Variants in BFSP1 observed in about 807,000 individuals in gnomAD.
The protein encoded by BFSP1 is filensin.
Under a neutral mutation model 43.9 loss-of-function variants are expected in BFSP1, and 38 were observed. The observed-to-expected ratio is 0.87, with a 90% CI of 0.67 to 1.14. The LOEUF is 1.14. BFSP1 is among the 50% of genes most tolerant of loss of function. BFSP1 has a pLI of 0.00. For synonymous variants in BFSP1, 352 were observed against 354.8 expected (o/e 0.99, Z 0.09); for missense variants, 850 against 875.1 (o/e 0.97, Z 0.36).
At chr20:17,499,877 C>T (rs375920731) in intron 5 of BFSP1, among the ~76,000 whole-genome samples, 1 of 152,124 alleles carries the variant, frequency 6.6e-6, no homozygotes, top group Non-Finnish European at 1.5e-5. Context: ...GCCAAGACCA[C>T]ACCATTGCAC....
chr20:17,515,776 C>A (rs1191915715), intron 2 of BFSP1, among the ~76,000 whole-genome samples: 1 of 152,248 alleles, frequency 6.6e-6, no homozygotes, highest in African/African-American at 2.4e-5. Flanking sequence ...CACCTGCCAA[C>A]ACCTGAGGCC....
intron 1 of BFSP1, among the ~76,000 whole-genome samples, chr20:17,547,455 T>C (rs116556890): frequency 1.3e-5 from 2 of 152,294 alleles, no homozygotes; most frequent in South Asian, 2.1e-4. Flanking sequence ...ATTGGAATAT[T>C]TGGGCCATTA....
At chr20:17,534,613 TTAA>T (rs2123546474), upstream of BFSP1, among the ~76,000 whole-genome samples, 1 of 152,256 alleles carries the variant, frequency 6.6e-6, no homozygotes, top group South Asian at 2.1e-4. Context: ...GAACATCCTA[TTAA>T]TAAAAACAGA....
rs140710777 is a variant in BFSP1, at chr20:17,525,936, T to C, written c.378-1028A>G. 3.1e-3 allele frequency among the ~76,000 whole-genome samples: 477 copies of C among 152,156 alleles called. 10 individuals are homozygous for C. The highest frequency in any genetic ancestry group is 0.023 in the Admixed American group (354 of 15,288). On this transcript the variant is annotated intron_variant, in intron 1 of 7. Coordinates refer to ENST00000377873, the MANE Select transcript of BFSP1 (RefSeq NM_001195.5). This position sits in a 1 kb window ranked among gnomAD's most constrained non-coding sequence, Gnocchi z 4.2. ...ATGGTGTATGTGTGCCCTTTGCTTC[T>C]CATTTTCCATCCCTCCCTCCATCCT...
At chr20:17,549,625 C>T (rs980529147) in intron 1 of BFSP1, among the ~76,000 whole-genome samples, 17 of 152,100 alleles carry the variant, frequency 1.1e-4, no homozygotes, top group African/African-American at 3.6e-4. Flanking sequence ...CACTTGAGGT[C>T]GGGAGTTCGA....
chr20:17,532,880 T>A (rs1048956547), upstream of BFSP1, among the ~76,000 whole-genome samples: 2 of 152,184 alleles, frequency 1.3e-5, no homozygotes, highest in African/African-American at 4.8e-5. Context: ...GTGATTATAC[T>A]ACAAATTAAA....
rs747226238 is a variant in BFSP1, at chr20:17,512,051, C to T, written c.552G>A (p.Gln184=). The T allele has an allele frequency of 6.2e-7, 1 of 1,609,040 alleles. No homozygotes were observed. The highest frequency in any genetic ancestry group is 1.1e-5 in the South Asian group (1 of 90,958). The change falls in exon 4 of 8, where the codon CAG becomes CAA. Residue 184 remains glutamine (Q), a synonymous_variant. Coordinates refer to ENST00000377873, the MANE Select transcript of BFSP1 (RefSeq NM_001195.5). Reference sequence around the variant, plus strand: ...TCTGCTGCAGGATGCTGATATAGGTCTGAACTTCCAGAAGATTCTGTTGGG... The same window carrying T: ...TCTGCTGCAGGATGCTGATATAGGTTTGAACTTCCAGAAGATTCTGTTGGG... ...DRHKKNLLEV[Q]TYISILQQII...
At position 17,498,998 on chromosome 20, in the gene BFSP1, AAC is replaced by A. The variant is rs2033726928; in HGVS notation, c.776_777del (p.Cys259LeufsTer2). 6.2e-7 allele frequency: 1 copy of A among 1,614,042 alleles called. No homozygotes were observed. The highest frequency in any genetic ancestry group is 1.7e-5 in the Admixed American group (1 of 60,000). Reference protein sequence around the residue: ...LEQAIKSAHECYDDEIQLYNE... With the variant: ...LEQAIKSAHEXYDDEIQLYNE... ...TTATAAAGCTGAATCTCATCGTCAT[AAC>A]ACTCATGGGCACTTTTAATAGCTTG... is the stretch of plus-strand genomic sequence containing the variant. On this transcript the variant is annotated frameshift_variant, in exon 6 of 8. Transcript: ENST00000377873. LOFTEE classifies it high-confidence loss of function.
chr20:17,512,408 A>C (rs1165100473), intron 3 of BFSP1, among the ~76,000 whole-genome samples: 3 of 151,542 alleles, frequency 2.0e-5, no homozygotes, highest in African/African-American at 4.8e-5. Context: ...GGAGGCACAA[A>C]AAAAAAAAGA....
chr20:17,552,974 T>C (rs934604695), intron 1 of BFSP1, among the ~76,000 whole-genome samples: 1 of 152,036 alleles, frequency 6.6e-6, no homozygotes, highest in Non-Finnish European at 1.5e-5. Context: ...ATATTTAAAG[T>C]CATGAAACTG....
At chr20:17,515,252 G>A (rs1333411491) in intron 2 of BFSP1, among the ~76,000 whole-genome samples, 1 of 152,206 alleles carries the variant, frequency 6.6e-6, no homozygotes, top group East Asian at 1.9e-4. Flanking sequence ...GATCTAGAAA[G>A]ATCGGAGCGC....
At chr20:17,513,188 G>A (rs572615002) in intron 3 of BFSP1, among the ~76,000 whole-genome samples, 73 of 152,298 alleles carry the variant, frequency 4.8e-4, no homozygotes, top group African/African-American at 1.7e-3. Context: ...CTGGACTCCG[G>A]CTGAGGACAA....
At chr20:17,497,584 A>ATATATATACG (rs2033679383) in intron 6 of BFSP1, among the ~76,000 whole-genome samples, 3 of 15,626 alleles carry the variant, frequency 1.9e-4, no homozygotes, top group Non-Finnish European at 3.8e-4. Context: ...ATATATACGT[A>ATATATATACG]TATATATACG....
rs764770814 is a variant in BFSP1, at chr20:17,494,869, C to A, written c.1203G>T (p.Gln401His). 1 of 1,614,236 alleles carries A rather than the reference C, an allele frequency of 6.2e-7. No homozygotes were observed. Among genetic ancestry groups the A allele is most frequent in the South Asian group, 1.1e-5 (1 of 91,084 alleles). Reference sequence around the variant, plus strand: ...ATTCACTTTCCTCTTTAAGTACCACCTGTACCAGCTTTGTGTCTTCCAAAC... The same window carrying A: ...ATTCACTTTCCTCTTTAAGTACCACATGTACCAGCTTTGTGTCTTCCAAAC... ...LKGLEDTKLV[Q>H]VVLKEESESK... Residue 401 changes from glutamine (Q) to histidine (H), a missense_variant, in exon 8 of 8, where the codon CAG (glutamine) becomes CAT (histidine). Coordinates refer to ENST00000377873, the MANE Select transcript of BFSP1 (RefSeq NM_001195.5).
intron 1 of BFSP1, among the ~76,000 whole-genome samples, chr20:17,567,948 G>A (rs1223303716): frequency 6.6e-6 from 1 of 151,248 alleles, no homozygotes; most frequent in Non-Finnish European, 1.5e-5. Flanking sequence ...AGGGGTACGG[G>A]GCACGAAAAA....
intron 3 of BFSP1, among the ~76,000 whole-genome samples, chr20:17,513,430 G>A (rs937835708): frequency 3.3e-5 from 5 of 152,152 alleles, no homozygotes; most frequent in African/African-American, 1.2e-4. Context: ...TAAATGGCCT[G>A]GAAGAATTAT....
chr20:17,514,031 T>C (rs956361120), intron 3 of BFSP1, among the ~76,000 whole-genome samples: 1 of 152,174 alleles, frequency 6.6e-6, no homozygotes, highest in African/African-American at 2.4e-5. Context: ...CTCCAGCTGC[T>C]TGGAGAAAGT....
intron 2 of BFSP1, among the ~76,000 whole-genome samples, chr20:17,520,210 G>GC (rs138070825): frequency 0.12 from 15,965 of 130,406 alleles, 573 homozygotes; most frequent in Non-Finnish European, 0.16. Flanking sequence ...GTTTTAACGT[G>GC]CCCCCCCACC....
At chr20:17,563,094 A>G (rs2035081656), upstream of BFSP1, 1 of 152,106 alleles carries the variant, frequency 6.6e-6, no homozygotes, top group Non-Finnish European at 1.5e-5. Context: ...ACCTTACCCC[A>G]TCTGTGGGAT....
Sources: allele counts gnomAD v4.1 joint callset (sites outside exome capture counted in the v4.1 genomes callset), GRCh38; gene constraint gnomAD v4.1.1; non-coding constraint Gnocchi (gnomAD v3.1); transcripts MANE v1.5; gene names NCBI Gene and HGNC (gene_info 2026-07-23, HGNC 2026-07-21).